FAM186B: variants seen among roughly 807,000 people sequenced by gnomAD.
The protein encoded by FAM186B is protein FAM186B.
In FAM186B, 68 loss-of-function variants were observed where a neutral mutation model predicts 83.4. That is an observed-to-expected ratio of 0.81 (90% confidence interval 0.67 to 1.00). FAM186B has a LOEUF of 1.00. Among genes scored for constraint, FAM186B ranks in the 50% least tolerant of loss-of-function variants. The pLI, the probability that FAM186B is intolerant of heterozygous loss-of-function variation, is 0.00. For synonymous variants in FAM186B, 389 were observed against 422.0 expected, an observed-to-expected ratio of 0.92 and a Z score of 0.96; for missense variants, 983 against 1,099.2, an observed-to-expected ratio of 0.89 and a Z score of 1.49.
Position 49,605,508 on chromosome 12 carries a change from C to G in FAM186B, c.-31G>C. 6.2e-7 allele frequency: 1 copy of G among 1,603,138 alleles called. No individual in the cohort carries two copies. The highest frequency in any genetic ancestry group is 1.1e-5 in the South Asian group (1 of 88,830). ...ATCACTCTGTCAGTCACAAAACATC[C>G]TGTGTTTCTGGTCCACAGGCCTGGA... On this transcript the variant is annotated 5_prime_UTR_variant, in exon 1 of 7. Transcript: ENST00000257894.
At chr12:49,609,721 A>G (rs966801827), upstream of FAM186B, among the ~76,000 whole-genome samples, 11 of 152,032 alleles carry the variant, frequency 7.2e-5, no homozygotes, top group Admixed American at 2.0e-4. Context: ...AGGTTTCCCA[A>G]CTCAACAACT....
At chr12:49,612,433 A>T in the FAM186B span, among the ~76,000 whole-genome samples, 1 of 151,608 alleles carries the variant, frequency 6.6e-6, no homozygotes, top group South Asian at 2.1e-4. Flanking sequence ...AAGCTTGTCC[A>T]ACCTGTGACC....
chr12:49,587,860 C>T, intron 6 of FAM186B, 108 bp from the exon 7 acceptor site: 2 of 1,249,844 alleles, frequency 1.6e-6, no homozygotes, highest in Non-Finnish European at 2.2e-6. Context: ...CTTCCCTTCT[C>T]AAATCGAGTG....
At chr12:49,596,980 A>C (rs191200813) in intron 5 of FAM186B, among the ~76,000 whole-genome samples, 2 of 152,350 alleles carry the variant, frequency 1.3e-5, no homozygotes, top group African/African-American at 4.8e-5. Flanking sequence ...CCGTGGTCTC[A>C]TAAGATTATA....
At chr12:49,604,193 T>C (rs1358679055) in intron 2 of FAM186B, 120 bp downstream of exon 2, 1 of 738,946 alleles carries the variant, frequency 1.4e-6, no homozygotes, top group Non-Finnish European at 2.3e-6. Flanking sequence ...GGAGGTGATG[T>C]GCTGTGACAC....
intron 3 of FAM186B, among the ~76,000 whole-genome samples, chr12:49,602,176 A>T (rs1939910080): frequency 6.6e-6 from 1 of 152,218 alleles, no homozygotes. Context: ...GTACCTAGTA[A>T]GTGCTCAATA....
At position 49,603,182 on chromosome 12, in the gene FAM186B, TACCTTGTG is replaced by T. The variant is rs1226840732; in HGVS notation, c.500_505+2del. 2 of 1,614,048 alleles carry T rather than the reference TACCTTGTG, an allele frequency of 1.2e-6. No individual in the cohort carries two copies. The highest frequency in any genetic ancestry group is 1.7e-6 in the Non-Finnish European group (2 of 1,180,024). ...TCCCTGGCCAGGTGCTCCTAGAACCTACCTTGTGACCTTTTCTTTTGTCCTTCAATGAG... is the reference window on the plus strand; with the variant it reads ...TCCCTGGCCAGGTGCTCCTAGAACCTACCTTTTCTTTTGTCCTTCAATGAG... On this transcript the variant is annotated splice_donor_variant and coding_sequence_variant, in exon 3 of 7. Coordinates refer to ENST00000257894, the MANE Select transcript of FAM186B (RefSeq NM_032130.3). LOFTEE classifies it high-confidence loss of function.
At chr12:49,593,632 C>CAAAAA (rs34152009) in intron 5 of FAM186B, among the ~76,000 whole-genome samples, 10,605 of 85,888 alleles carry the variant, frequency 0.12, 800 homozygotes, top group African/African-American at 0.28. Flanking sequence ...GACTCCATCT[C>CAAAAA]AAAAAAAAAA....
chr12:49,605,753 C>CTTTTTTTTTTTTTTTTTTTTTTTTTTTT, upstream of FAM186B: 1 of 228,830 alleles, frequency 4.4e-6, no homozygotes, highest in Non-Finnish European at 8.0e-6. Flanking sequence ...GACTTGTTGC[C>CTTTTTTTTTTTTTTTTTTTTTTTTTTTT]TTTTCTTTTT....
At chr12:49,612,636 T>C in the FAM186B span, among the ~76,000 whole-genome samples, 2 of 152,072 alleles carry the variant, frequency 1.3e-5, no homozygotes, top group Non-Finnish European at 2.9e-5. Flanking sequence ...GCCAAAAGAT[T>C]GGATATCCCT....
At chr12:49,608,869 T>G (rs1940058878), upstream of FAM186B, among the ~76,000 whole-genome samples, 1 of 151,814 alleles carries the variant, frequency 6.6e-6, no homozygotes, top group Non-Finnish European at 1.5e-5. Context: ...GGAGGTAACT[T>G]GAGAAGATAT....
At chr12:49,616,962 G>T in the FAM186B span, among the ~76,000 whole-genome samples, 39 of 152,292 alleles carry the variant, frequency 2.6e-4, no homozygotes, top group South Asian at 7.1e-3. Context: ...GGTACTGGAG[G>T]GTGTTAGGAA....
At chr12:49,595,626 G>T in intron 5 of FAM186B, 1 of 416,580 alleles carries the variant, frequency 2.4e-6, no homozygotes, top group Non-Finnish European at 4.8e-6. Flanking sequence ...GATTACAATT[G>T]TTGAAGCCCT....
chr12:49,599,826 AG>A lies in FAM186B; in HGVS notation c.1813del (p.Leu605TrpfsTer7). 6.2e-7 allele frequency: 1 copy of A among 1,611,486 alleles called. No homozygotes were observed. Among genetic ancestry groups the A allele is most frequent in the Non-Finnish European group, 8.5e-7 (1 of 1,178,626 alleles). On this transcript the variant is annotated frameshift_variant, in exon 4 of 7. Transcript: ENST00000257894. LOFTEE classifies it high-confidence loss of function. ...PMSPSTQQPALGKQRPMSSVE... is the reference protein window; with the variant it reads ...PMSPSTQQPAXGKQRPMSSVE... Reference sequence around the variant, plus strand: ...TGAACTCATAGGTCTCTGCTTTCCCAGGGCAGGCTGCTGGGTACTAGGAGAC... The same window carrying A: ...TGAACTCATAGGTCTCTGCTTTCCCAGGCAGGCTGCTGGGTACTAGGAGAC...
chr12:49,595,706 G>T, intron 5 of FAM186B: 1 of 336,454 alleles, frequency 3.0e-6, no homozygotes, highest in East Asian at 8.1e-5. Context: ...GCAAGTGGCT[G>T]GGCGCGGTGG....
the FAM186B span, among the ~76,000 whole-genome samples, chr12:49,614,238 A>G: frequency 6.6e-6 from 1 of 152,348 alleles, no homozygotes; most frequent in East Asian, 1.9e-4. Context: ...CCAAAAGAAA[A>G]TAAATTGTTC....
chr12:49,608,560 T>G (rs1940056770), upstream of FAM186B, among the ~76,000 whole-genome samples: 1 of 150,936 alleles, frequency 6.6e-6, no homozygotes, highest in Non-Finnish European at 1.5e-5. Flanking sequence ...TTAGTGTGCC[T>G]CAGTCACTTG....
downstream of FAM186B, chr12:49,584,735 C>T (rs987262700): frequency 2.0e-5 from 13 of 657,948 alleles, no homozygotes; most frequent in Non-Finnish European, 1.7e-5. Context: ...CCAGACTCAG[C>T]CTGGACACAG....
chr12:49,612,523 T>C, the FAM186B span, among the ~76,000 whole-genome samples: 1 of 151,706 alleles, frequency 6.6e-6, no homozygotes, highest in African/African-American at 2.4e-5. Flanking sequence ...ATTATGAGGT[T>C]TTTTTATGTG....
Sources: gnomAD v4.1 joint callset for allele counts (sites outside exome capture counted in the v4.1 genomes callset) on GRCh38, gnomAD v4.1.1 for gene constraint, MANE v1.5 for transcripts, NCBI Gene and HGNC (gene_info 2026-07-23, HGNC 2026-07-21) for gene names.